CHODL: variants seen among roughly 807,000 people sequenced by gnomAD.
The protein encoded by CHODL is transmembrane protein MT75.
CHODL carries 29 observed loss-of-function variants against 34.5 expected under a neutral mutation model. The observed-to-expected ratio is 0.84, with a 90% confidence interval of 0.63 to 1.15. CHODL has a LOEUF of 1.15. CHODL is among the 50% of genes most tolerant of loss of function. CHODL has a pLI of 0.00. For synonymous variants in CHODL, 125 were observed against 116.1 expected, an observed-to-expected ratio of 1.08 and a Z score of -0.49; for missense variants, 332 against 332.5, an observed-to-expected ratio of 1.00 and a Z score of 0.01.
chr21:18,253,284 T>C (rs1399985502), intron 1 of CHODL, among the ~76,000 whole-genome samples: 2 of 152,104 alleles, frequency 1.3e-5, no homozygotes, highest in Non-Finnish European at 2.9e-5. Context: ...ACAAACTTTT[T>C]ACTCACTGAA....
At chr21:18,210,127 T>C (rs1289901980) in intron 2 of CHODL, among the ~76,000 whole-genome samples, 1 of 152,176 alleles carries the variant, frequency 6.6e-6, no homozygotes. Context: ...GAGTACTTCA[T>C]CCCAGGATGG....
chr21:17,924,649 T>G (rs1015130651), intron 1 of CHODL, among the ~76,000 whole-genome samples: 3 of 152,258 alleles, frequency 2.0e-5, no homozygotes, highest in African/African-American at 7.2e-5. Flanking sequence ...TAGTCGGGAC[T>G]GTTCTGACCT....
chr21:18,174,718 G>C (rs1004342932), intron 2 of CHODL, among the ~76,000 whole-genome samples: 1 of 152,076 alleles, frequency 6.6e-6, no homozygotes, highest in Non-Finnish European at 1.5e-5. Flanking sequence ...TTCTAACCTG[G>C]CAGAGCTTGT....
At chr21:17,940,545 A>C (rs185914916) in intron 1 of CHODL, among the ~76,000 whole-genome samples, 1 of 152,366 alleles carries the variant, frequency 6.6e-6, no homozygotes, top group Admixed American at 6.5e-5. Flanking sequence ...GCTTATAAAT[A>C]GTAACTGGGA....
intron 1 of CHODL, among the ~76,000 whole-genome samples, chr21:17,943,501 G>T (rs2063382130): frequency 6.6e-6 from 1 of 152,126 alleles, no homozygotes; most frequent in Non-Finnish European, 1.5e-5. Flanking sequence ...AAATATTTTT[G>T]TGTGTTATCA....
intron 1 of CHODL, among the ~76,000 whole-genome samples, chr21:18,001,536 T>C (rs1375636610): frequency 6.6e-6 from 1 of 152,186 alleles, no homozygotes; most frequent in Non-Finnish European, 1.5e-5. Context: ...ATGCTAAGGA[T>C]TACTCAGGGA....
chr21:17,937,117 A>T (rs1011983417), intron 1 of CHODL, among the ~76,000 whole-genome samples: 4 of 151,602 alleles, frequency 2.6e-5, no homozygotes, highest in Non-Finnish European at 5.9e-5. Context: ...GGAAGAGGAT[A>T]AATGTAGAAA....
chr21:18,036,422 T>C (rs1336812056), intron 2 of CHODL, among the ~76,000 whole-genome samples: 1 of 151,976 alleles, frequency 6.6e-6, no homozygotes. Flanking sequence ...TATAGGACTG[T>C]ACGCTCTGGC....
intron 2 of CHODL, among the ~76,000 whole-genome samples, chr21:18,126,083 G>T (rs189380944): frequency 2.0e-4 from 30 of 152,280 alleles, no homozygotes; most frequent in African/African-American, 7.2e-4. Context: ...GATCCCTTGA[G>T]CCCAAAAGCT....
chr21:18,016,443 C>T (rs1644484655), intron 1 of CHODL, among the ~76,000 whole-genome samples: 1 of 152,160 alleles, frequency 6.6e-6, no homozygotes, highest in South Asian at 2.1e-4. Context: ...TATGAAAATG[C>T]CTTGATGTCC....
intron 1 of CHODL, among the ~76,000 whole-genome samples, chr21:18,254,235 A>G (rs2074290153): frequency 6.6e-6 from 1 of 152,098 alleles, no homozygotes; most frequent in Non-Finnish European, 1.5e-5. Flanking sequence ...TTAAATACAT[A>G]GTAGAAAAGG....
chr21:18,207,564 A>AT (rs1215266257), intron 2 of CHODL, among the ~76,000 whole-genome samples: 2 of 147,076 alleles, frequency 1.4e-5, no homozygotes, highest in Non-Finnish European at 3.0e-5. Flanking sequence ...CCTTCAGATA[A>AT]TTTTTTATTG....
At chr21:18,243,989 G>A (rs1345578226), upstream of CHODL, among the ~76,000 whole-genome samples, 1 of 152,114 alleles carries the variant, frequency 6.6e-6, no homozygotes, top group Non-Finnish European at 1.5e-5. Flanking sequence ...TTCATACTAT[G>A]GACTTGATAT....
At chr21:18,024,142 A>C (rs757620195) in intron 1 of CHODL, among the ~76,000 whole-genome samples, 11 of 152,240 alleles carry the variant, frequency 7.2e-5, no homozygotes, top group Non-Finnish European at 1.0e-4. Context: ...CAAGGACAAA[A>C]AAATGCTCCC....
At chr21:17,947,654 A>C (rs943284695) in intron 1 of CHODL, among the ~76,000 whole-genome samples, 9 of 152,182 alleles carry the variant, frequency 5.9e-5, no homozygotes, top group Admixed American at 3.9e-4. Flanking sequence ...AAAATAAAAA[A>C]TATAAAAACA....
chr21:18,245,367 G>A, intron 1 of CHODL, 65 bp downstream of exon 1: 1 of 1,360,554 alleles, frequency 7.3e-7, no homozygotes, highest in Non-Finnish European at 9.8e-7. Context: ...GCGGCGGGCA[G>A]CCTGTTCTCG....
intron 2 of CHODL, among the ~76,000 whole-genome samples, chr21:18,046,878 C>CCAT (rs1235716392): frequency 5.3e-5 from 8 of 151,916 alleles, no homozygotes. Context: ...TTAGACCAGA[C>CCAT]TAATGGCCTT....
chr21:18,182,482 A>G (rs1283277584), intron 2 of CHODL, among the ~76,000 whole-genome samples: 1 of 152,250 alleles, frequency 6.6e-6, no homozygotes, highest in East Asian at 1.9e-4. Context: ...GTGTAAAATC[A>G]TCACACTATA....
intron 1 of CHODL, among the ~76,000 whole-genome samples, chr21:18,019,544 T>C (rs1363943675): frequency 6.6e-6 from 1 of 152,186 alleles, no homozygotes; most frequent in Non-Finnish European, 1.5e-5. Flanking sequence ...CTGATGTGAT[T>C]ATTATACATT....
Sources: allele counts gnomAD v4.1 joint callset (sites outside exome capture counted in the v4.1 genomes callset), GRCh38; gene constraint gnomAD v4.1.1; transcripts MANE v1.5; gene names NCBI Gene and HGNC (gene_info 2026-07-23, HGNC 2026-07-21).